FBN3: variants seen among roughly 807,000 people sequenced by gnomAD.
FBN3 encodes the protein fibrillin-3.
FBN3 carries 234 observed loss-of-function variants against 330.1 expected under a neutral mutation model. The ratio of observed to expected loss-of-function variants is 0.71; its 90% CI spans 0.64 to 0.79. The LOEUF (loss-of-function observed/expected upper bound fraction) is 0.79. FBN3 is among the 30% of genes least tolerant of loss of function. FBN3 has a pLI of 0.00. For missense variants in FBN3, 3,606 were observed against 3,886.9 expected, an observed-to-expected ratio of 0.93 and a Z score of 1.92; for synonymous variants, 1,458 against 1,517.3, an observed-to-expected ratio of 0.96 and a Z score of 0.91.
intron 63 of FBN3, among the ~76,000 whole-genome samples, chr19:8,069,311 G>A (rs530009375): frequency 1.1e-4 from 16 of 152,130 alleles, no homozygotes; most frequent in South Asian, 2.1e-4. Flanking sequence ...ATAAGACAGC[G>A]AGCCTCAATG....
In FBN3 at chr19:8,089,526, G is replaced by A. The variant is rs2082044983; in HGVS notation, c.6376+19C>T. The A allele has an allele frequency of 6.2e-7, 1 of 1,613,662 alleles. No individual in the cohort carries two copies. Among genetic ancestry groups the A allele is most frequent in the Admixed American group, 1.7e-5 (1 of 59,994 alleles). ...TGGGAGGGGCCTGGGACAGAGCTGG[G>A]GAAGGGCTGGCCACTCACCCACACA... On this transcript the variant is annotated intron_variant, in intron 51 of 63. Coordinates refer to ENST00000600128, the MANE Select transcript of FBN3 (RefSeq NM_032447.5).
Position 8,131,837 on chromosome 19 carries a change from A to G in FBN3, c.1715-8T>C, listed in dbSNP as rs1260257154. On this transcript the variant is annotated splice_polypyrimidine_tract_variant and splice_region_variant and intron_variant, in intron 14 of 63. Coordinates refer to ENST00000600128, the MANE Select transcript of FBN3 (RefSeq NM_032447.5). This position sits in a 1 kb window ranked among gnomAD's most constrained non-coding sequence, Gnocchi z 4.5. ...TCTGGCACTCGTCAATGTCTGCAGA[A>G]GCAGTGGCGGCACGGGGATGGGTTC... The G allele has an allele frequency of 6.3e-7, 1 of 1,575,176 alleles. No individual in the cohort carries two copies. Among genetic ancestry groups the G allele is most frequent in the Non-Finnish European group, 8.7e-7 (1 of 1,155,314 alleles).
At chr19:8,118,751 T>G in intron 26 of FBN3, 146 bp downstream of exon 26, 1 of 986,506 alleles carries the variant, frequency 1.0e-6, no homozygotes, top group South Asian at 1.5e-5. Context: ...ACACACACAC[T>G]TGCACGCTCA....
chr19:8,127,002 CTGAGCTGTGTGTGT>C (rs140551173), intron 18 of FBN3, among the ~76,000 whole-genome samples, 170 bp from the exon 19 acceptor site: 1,584 of 151,280 alleles, frequency 0.01, 17 homozygotes, highest in Non-Finnish European at 0.018. Context: ...CATGTGTGTG[CTGAGCTGTGTGTGT>C]ACATGCTGTA....
At chr19:8,117,441 C>T in intron 27 of FBN3, 23 bp downstream of exon 27, 1 of 1,559,392 alleles carries the variant, frequency 6.4e-7, no homozygotes, top group Non-Finnish European at 8.7e-7. Context: ...TGCCCAGGGG[C>T]CAGCAGGTGG....
chr19:8,088,729 G>T (rs566932535), intron 51 of FBN3, among the ~76,000 whole-genome samples: 1 of 152,328 alleles, frequency 6.6e-6, no homozygotes, highest in East Asian at 1.9e-4. Context: ...ATGAATGAAT[G>T]AGCAAAGGAA....
At chr19:8,145,075 A>G (rs951558085) in intron 5 of FBN3, 103 bp from the exon 6 acceptor site, 24 of 1,041,216 alleles carry the variant, frequency 2.3e-5, no homozygotes, top group Non-Finnish European at 3.3e-5. Context: ...GATCTGGCCC[A>G]GGTTGAATAA....
chr19:8,124,440 T>G (rs1331203369), intron 22 of FBN3, among the ~76,000 whole-genome samples: 1 of 150,960 alleles, frequency 6.6e-6, no homozygotes, highest in African/African-American at 2.4e-5. Context: ...GAGACTCGGT[T>G]TCACCACGTT....
intron 63 of FBN3, among the ~76,000 whole-genome samples, chr19:8,069,400 G>C (rs1397217412): frequency 6.6e-6 from 1 of 152,172 alleles, no homozygotes; most frequent in Non-Finnish European, 1.5e-5. Context: ...GTTTTAGGGA[G>C]CACTGTGTTG....
At chr19:8,128,958 A>G in intron 18 of FBN3, 70 bp downstream of exon 18, 1 of 1,546,390 alleles carries the variant, frequency 6.5e-7, no homozygotes, top group Non-Finnish European at 8.7e-7. Context: ...CTGTGCGTGC[A>G]CACGCCACAT....
chr19:8,136,467 G>A lies in FBN3; in HGVS notation c.1266C>T (p.Gly422=), dbSNP rs369079849. ...AGCTGGAAGGCGTGGGCAGGCAGCG[G>A]CCATTCAGACACAGGTTGGTGAAGT... ...CRHFTNLCLN[G]RCLPTPSSYR... Residue 422 remains glycine (G), a synonymous_variant, in exon 11 of 64, where the codon GGC becomes GGT. Coordinates refer to ENST00000600128, the MANE Select transcript of FBN3 (RefSeq NM_032447.5). The A allele has an allele frequency of 2.8e-5, 46 of 1,614,066 alleles. No homozygotes were observed. The highest frequency in any genetic ancestry group is 6.7e-5 in the African/African-American group (5 of 74,938).
In FBN3 at chr19:8,075,093, G is replaced by C. The variant is rs61729621; in HGVS notation, c.7680C>G (p.His2560Gln). 1.6e-5 allele frequency: 26 copies of C among 1,600,272 alleles called. No homozygotes were observed. Among genetic ancestry groups the C allele is most frequent in the African/African-American group, 2.7e-5 (2 of 74,484 alleles). Residue 2560 changes from histidine to glutamine, a missense_variant, in exon 61 of 64, where the codon CAC (histidine) becomes CAG (glutamine). Transcript: ENST00000600128. ...RCSCPQGFTQ[H>Q]SQWAQCVDEN... ...CACCCACACACTGGGCCCACTGGGA[G>C]TGCTGGGTGAAACCCTGGGGGCAGC... is the stretch of plus-strand genomic sequence containing the variant.
intron 3 of FBN3, among the ~76,000 whole-genome samples, chr19:8,146,556 G>A (rs900777346): frequency 6.6e-6 from 1 of 152,156 alleles, no homozygotes; most frequent in Admixed American, 6.6e-5. Flanking sequence ...CTCCTGGGAA[G>A]TGGAGTCAGA....
intron 61 of FBN3, 179 bp downstream of exon 61, chr19:8,074,892 C>T (rs1326475949): frequency 4.2e-6 from 3 of 720,508 alleles, no homozygotes; most frequent in African/African-American, 1.8e-5. Context: ...CTTTTTGATG[C>T]TTATTCTGCT....
At chr19:8,122,322 C>A (rs968967486) in intron 24 of FBN3, among the ~76,000 whole-genome samples, 1 of 152,064 alleles carries the variant, frequency 6.6e-6, no homozygotes, top group African/African-American at 2.4e-5. Context: ...GCCCTGGAGG[C>A]CTCTAAAGGT....
At chr19:8,085,675 G>T in intron 55 of FBN3, 106 bp from the exon 56 acceptor site, 1 of 832,608 alleles carries the variant, frequency 1.2e-6, no homozygotes, top group South Asian at 1.9e-5. Flanking sequence ...GTTGGGGACA[G>T]GGGTGTCCAG....
rs1458294742 is a variant in FBN3, at chr19:8,145,839, T to C, written c.445+4A>G. 5 of 1,549,720 alleles carry C rather than the reference T, an allele frequency of 3.2e-6. No individual in the cohort carries two copies. Among genetic ancestry groups the C allele is most frequent in the Non-Finnish European group, 4.4e-6 (5 of 1,145,848 alleles). On this transcript the variant is annotated splice_donor_region_variant and intron_variant, in intron 5 of 63. Transcript: ENST00000600128. ...AAAGAGGGGAGTCCCATGGGGATACTCACGCTGCCCACACACGGTGCCTGT... is the reference window on the plus strand; with the variant it reads ...AAAGAGGGGAGTCCCATGGGGATACCCACGCTGCCCACACACGGTGCCTGT...
intron 13 of FBN3, 21 bp downstream of exon 13, chr19:8,135,940 A>ACC: frequency 3.6e-5 from 6 of 168,320 alleles, no homozygotes; most frequent in East Asian, 5.0e-4. Flanking sequence ...GCCCCTGCCC[A>ACC]CCCGCCCACC....
At chr19:8,094,174 C>T (rs1194218684) in intron 47 of FBN3, among the ~76,000 whole-genome samples, 1 of 152,168 alleles carries the variant, frequency 6.6e-6, no homozygotes, top group African/African-American at 2.4e-5. Context: ...AAGTGAGGAG[C>T]TCTACATTTG....
Sources: gnomAD v4.1 joint callset for allele counts (sites outside exome capture counted in the v4.1 genomes callset) on GRCh38, gnomAD v4.1.1 for gene constraint, Gnocchi (gnomAD v3.1) non-coding constraint, MANE v1.5 for transcripts, NCBI Gene and HGNC (gene_info 2026-07-23, HGNC 2026-07-21) for gene names.